The following ANK2 variants were observed in gnomAD, a reference collection of about 807,000 sequenced individuals.
ANK2 encodes the protein ankyrin-2.
In ANK2, 83 loss-of-function variants were observed where a neutral mutation model predicts 360.5. The observed-to-expected ratio is 0.23, with a 90% confidence interval of 0.19 to 0.28. ANK2 has a LOEUF of 0.28. Ranked by LOEUF, ANK2 falls within the 10% of genes least tolerant of loss-of-function variation. ANK2 has a pLI of 1.00. For synonymous variants in ANK2, 1,740 were observed against 1,759.5 expected (o/e 0.99, Z 0.28); for missense variants, 4,201 against 4,795.7 (o/e 0.88, Z 3.66).
intron 1 of ANK2, among the ~76,000 whole-genome samples, chr4:113,091,024 C>T (rs1323905716): frequency 6.6e-6 from 1 of 152,130 alleles, no homozygotes; most frequent in East Asian, 1.9e-4. Context: ...AGGATTGAGA[C>T]CCTCAGATGG....
chr4:113,148,257 A>G (rs184204978), intron 1 of ANK2, among the ~76,000 whole-genome samples: 155 of 152,204 alleles, frequency 1.0e-3, no homozygotes, highest in Non-Finnish European at 1.7e-3. Flanking sequence ...GTCTAAGTAT[A>G]CTCTGTATTT....
intron 1 of ANK2, among the ~76,000 whole-genome samples, chr4:112,891,987 G>C (rs961563504): frequency 3.9e-5 from 6 of 152,090 alleles, no homozygotes; most frequent in Admixed American, 1.3e-4. Flanking sequence ...AGCATCCATG[G>C]TTACAAGGAT....
chr4:112,969,203 A>G (rs1190955412), intron 2 of ANK2, among the ~76,000 whole-genome samples: 1 of 152,172 alleles, frequency 6.6e-6, no homozygotes, highest in African/African-American at 2.4e-5. Flanking sequence ...CTCTTTTTGA[A>G]TCCACACTAA....
At chr4:113,127,662 A>T (rs2095746215) in intron 1 of ANK2, among the ~76,000 whole-genome samples, 1 of 152,140 alleles carries the variant, frequency 6.6e-6, no homozygotes, top group African/African-American at 2.4e-5. Context: ...GCTTGGCATG[A>T]TCAAAGTGGA....
At chr4:113,026,431 C>A (rs2059306580) in intron 2 of ANK2, among the ~76,000 whole-genome samples, 1 of 152,134 alleles carries the variant, frequency 6.6e-6, no homozygotes, top group Non-Finnish European at 1.5e-5. Flanking sequence ...ATTTTAAATT[C>A]CTTGATAACA....
chr4:112,878,209 C>T (rs939948605), intron 1 of ANK2, among the ~76,000 whole-genome samples: 1 of 134,708 alleles, frequency 7.4e-6, no homozygotes, highest in Non-Finnish European at 1.6e-5. Context: ...AAATCTTCAT[C>T]CGGCTGTCCA....
chr4:112,852,591 A>T (rs1195805831), intron 1 of ANK2, among the ~76,000 whole-genome samples: 1 of 152,230 alleles, frequency 6.6e-6, no homozygotes, highest in African/African-American at 2.4e-5. Flanking sequence ...TTGAAGTTAA[A>T]TATCTAGGGG....
At chr4:113,301,088 A>G (rs947323368) in intron 22 of ANK2, among the ~76,000 whole-genome samples, 1 of 152,182 alleles carries the variant, frequency 6.6e-6, no homozygotes, top group Admixed American at 6.5e-5. Flanking sequence ...AGCCTAAAAA[A>G]CTAGACAACC....
chr4:113,349,589 C>T (rs1180180977), intron 36 of ANK2, among the ~76,000 whole-genome samples: 2 of 152,128 alleles, frequency 1.3e-5, no homozygotes, highest in African/African-American at 4.8e-5. Context: ...CATTCTTTCC[C>T]TCAACTGCAC....
At chr4:113,033,275 T>A (rs544045328) in intron 2 of ANK2, among the ~76,000 whole-genome samples, 23 of 152,164 alleles carry the variant, frequency 1.5e-4, no homozygotes, top group African/African-American at 5.3e-4. Context: ...TGTAACCTTC[T>A]TATTTTAGAA....
the ANK2 span, among the ~76,000 whole-genome samples, chr4:112,776,739 T>C: frequency 2.0e-5 from 3 of 152,248 alleles, no homozygotes; most frequent in African/African-American, 7.2e-5. Context: ...ATGTACATTA[T>C]GCACATGTAT....
intron 2 of ANK2, among the ~76,000 whole-genome samples, chr4:112,911,691 G>C (rs983541650): frequency 6.6e-6 from 1 of 152,116 alleles, no homozygotes; most frequent in Non-Finnish European, 1.5e-5. Flanking sequence ...ATTGACACTA[G>C]AGAGAAGCTA....
rs1286003016 is a variant in ANK2, at chr4:113,373,179, G to T, written c.11694+6G>T. 1 of 1,613,524 alleles carries T rather than the reference G, an allele frequency of 6.2e-7. No homozygotes were observed. ...GACACACCGTGGTAAAGAAGGTATT[G>T]TCTAGTATATCCTAACAGGGTTGAT... On this transcript the variant is annotated splice_donor_region_variant and intron_variant, in intron 44 of 45. Coordinates refer to ENST00000357077, the MANE Select transcript of ANK2 (RefSeq NM_001148.6).
chr4:112,712,677 G>C, the ANK2 span, among the ~76,000 whole-genome samples: 2 of 151,870 alleles, frequency 1.3e-5, no homozygotes, highest in African/African-American at 4.8e-5. Flanking sequence ...AAAGTGCTGG[G>C]ATTACAGGCA....
At chr4:113,339,923 A>AGT (rs377411794) in intron 32 of ANK2, among the ~76,000 whole-genome samples, 11 of 152,344 alleles carry the variant, frequency 7.2e-5, no homozygotes, top group African/African-American at 2.6e-4. Context: ...AAGTAGGGCA[A>AGT]GAGACATTAT....
rs1195945934 is a variant in ANK2 at position 113,367,731 on chromosome 4, G to T, written c.11198G>T (p.Gly3733Val). The change falls in exon 42 of 46, where the codon GGG (glycine) becomes GTG (valine). Residue 3733 changes from glycine (G) to valine (V), a missense_variant. Gly to Val is a moderately radical substitution (Grantham distance 109, BLOSUM62 -3). Transcript: ENST00000357077. Reference sequence around the variant, plus strand: ...CAGGATGGCGTCCCCAAAACTGAGGGGGACAGCTCAGCAACAGCACTCTTT... The same window carrying T: ...CAGGATGGCGTCCCCAAAACTGAGGTGGACAGCTCAGCAACAGCACTCTTT... ...TFQDGVPKTE[G>V]DSSATALFPQ... 6.2e-7 allele frequency: 1 copy of T among 1,613,810 alleles called. No individual in the cohort carries two copies. Among genetic ancestry groups the T allele is most frequent in the African/African-American group, 1.3e-5 (1 of 74,854 alleles).
chr4:113,271,266 T>G (rs1371623809), intron 14 of ANK2, among the ~76,000 whole-genome samples: 1 of 152,188 alleles, frequency 6.6e-6, no homozygotes, highest in African/African-American at 2.4e-5. Context: ...AAGCTTGGGC[T>G]CATGCGCATT....
At chr4:113,135,159 A>G (rs1033989950) in intron 1 of ANK2, among the ~76,000 whole-genome samples, 26 of 151,942 alleles carry the variant, frequency 1.7e-4, no homozygotes, top group African/African-American at 6.1e-4. Flanking sequence ...ACAAGATGCC[A>G]TATTATTGGT....
chr4:113,164,688 A>G (rs1416929355), intron 1 of ANK2, among the ~76,000 whole-genome samples: 2 of 152,242 alleles, frequency 1.3e-5, no homozygotes. Flanking sequence ...TGAAAAATTG[A>G]TGAAAGGTTT....
Sources: allele counts gnomAD v4.1 joint callset (sites outside exome capture counted in the v4.1 genomes callset), GRCh38; gene constraint gnomAD v4.1.1; transcripts MANE v1.5; gene names NCBI Gene and HGNC (gene_info 2026-07-23, HGNC 2026-07-21).